Variants in AMN observed in about 807,000 individuals in gnomAD.
The protein encoded by AMN is amnion associated transmembrane protein.
Under a neutral mutation model 49.1 loss-of-function variants are expected in AMN, and 40 were observed. The observed-to-expected ratio is 0.81, with a 90% CI of 0.63 to 1.06. AMN has a LOEUF of 1.06. Among genes scored for constraint, AMN ranks in the 50% least tolerant of loss-of-function variants. The pLI is 0.00. For missense variants in AMN, 701 were observed against 662.8 expected (o/e 1.06, Z -0.63); for synonymous variants, 380 against 313.3 (o/e 1.21, Z -2.25).
chr14:102,923,553 G>A (rs1891112993), intron 1 of AMN, 158 bp from the exon 2 acceptor site: 3 of 726,948 alleles, frequency 4.1e-6, no homozygotes, highest in Non-Finnish European at 7.3e-6. Context: ...CAGTCTGGCC[G>A]GGAGGGACCA....
intron 3 of AMN, among the ~76,000 whole-genome samples, chr14:102,924,828 T>C (rs1891151079): frequency 6.6e-6 from 1 of 152,168 alleles, no homozygotes; most frequent in Non-Finnish European, 1.5e-5. Flanking sequence ...TTGTTTAAGG[T>C]GGAGTTCCGC....
At chr14:102,923,210 C>G in intron 1 of AMN, 1 of 251,204 alleles carries the variant, frequency 4.0e-6, no homozygotes, top group Non-Finnish European at 7.8e-6. Context: ...CCCCACCCAC[C>G]ACATTCAGGG....
In AMN at chr14:102,923,829, G is replaced by C. The variant is rs1192509736; in HGVS notation, c.162G>C (p.Lys54Asn). 2 of 1,612,422 alleles carry C rather than the reference G, an allele frequency of 1.2e-6. No individual in the cohort carries two copies. The highest frequency in any genetic ancestry group is 1.7e-6 in the Non-Finnish European group (2 of 1,179,778). Residue 54 changes from lysine (K) to asparagine (N), a missense_variant and splice_region_variant, in exon 2 of 12, where the codon AAG becomes AAC. By Grantham distance (94) the Lys-to-Asn change is moderately conservative. Coordinates refer to ENST00000299155, the MANE Select transcript of AMN (RefSeq NM_030943.4). ...GCGCCGTTGAGTTCCCGGCGGACAA[G>C]GTGCCTGGGAGCGCCGGCGGGGTCG... is the stretch of plus-strand genomic sequence containing the variant. The part of the protein sequence containing the change: ...AGGAVEFPAD[K>N]MVSVLVQEGH...
intron 3 of AMN, among the ~76,000 whole-genome samples, chr14:102,925,971 C>T (rs1297662403): frequency 5.3e-5 from 8 of 152,126 alleles, no homozygotes; most frequent in African/African-American, 1.4e-4. Flanking sequence ...TGGTTGGGAG[C>T]GTCCCTCCCT....
At chr14:102,929,005 C>A in intron 5 of AMN, 30 bp downstream of exon 5, 3 of 1,595,548 alleles carry the variant, frequency 1.9e-6, no homozygotes, top group Non-Finnish European at 2.5e-6. Context: ...AGGCTCGGGT[C>A]CCCTCTCCCC....
In AMN at chr14:102,929,252, C is replaced by G. The variant is rs764383277; in HGVS notation, c.645C>G (p.Asn215Lys). 6.7e-7 allele frequency: 1 copy of G among 1,486,028 alleles called. No individual in the cohort carries two copies. Among genetic ancestry groups the G allele is most frequent in the Non-Finnish European group, 8.9e-7 (1 of 1,129,186 alleles). The allele number at this position is 1,486,028 out of a possible 1,614,324, so 92.1% of individuals were successfully genotyped here. A position where few individuals can be genotyped will look rare whatever the true frequency, so the allele number is the denominator to read the frequency against. The stretch of plus-strand genomic sequence containing the variant: ...ACCCGTCGGGCTGCGTCTGCGGCAA[C>G]GCGGAGGTGAGCGAGGCCGCAGTGG... Reference protein sequence around the residue: ...CADPSGCVCGNAEAQPWICAA... With the variant: ...CADPSGCVCGKAEAQPWICAA... The change falls in exon 6 of 12, where the codon AAC becomes AAG. Residue 215 changes from asparagine to lysine, a missense_variant. By Grantham distance (94) the Asn-to-Lys change is moderately conservative (BLOSUM62 0). Coordinates refer to ENST00000299155, the MANE Select transcript of AMN (RefSeq NM_030943.4).
Position 102,926,215 on chromosome 14 carries a change from G to A in AMN, c.208-2211G>A, listed in dbSNP as rs186851560. 8.5e-5 allele frequency among the ~76,000 whole-genome samples: 13 copies of A among 152,296 alleles called. No homozygotes were observed. In the East Asian group the frequency reaches 1.5e-3, roughly 18 times the overall value. On this transcript the variant is annotated intron_variant, in intron 3 of 11. Transcript: ENST00000299155. ...TTTTTCTGTTTCGTTTGAGAATCGCGTCTGCTCCTCAGTCACAATGGTAAT... is the reference window on the plus strand; with the variant it reads ...TTTTTCTGTTTCGTTTGAGAATCGCATCTGCTCCTCAGTCACAATGGTAAT...
intron 3 of AMN, among the ~76,000 whole-genome samples, chr14:102,924,236 C>A (rs896442195): frequency 2.0e-5 from 3 of 152,178 alleles, no homozygotes; most frequent in Non-Finnish European, 4.4e-5. Flanking sequence ...TGATGCCCAG[C>A]AGTGGGTGGT....
chr14:102,930,712 C>G lies in AMN; in HGVS notation c.*32C>G. ...GCCTGACCGTCGACCTTGGGGCTCT[C>G]CACCCGCTCTGGCCCCAGTCGAACT... is the stretch of plus-strand genomic sequence containing the variant. On this transcript the variant is annotated 3_prime_UTR_variant, in exon 12 of 12. Coordinates refer to ENST00000299155, the MANE Select transcript of AMN (RefSeq NM_030943.4). 1.9e-6 allele frequency: 3 copies of G among 1,552,700 alleles called. No individual in the cohort carries two copies. Among genetic ancestry groups the G allele is most frequent in the East Asian group, 2.4e-5 (1 of 41,446 alleles).
intron 3 of AMN, among the ~76,000 whole-genome samples, chr14:102,925,857 C>T (rs1027754517): frequency 2.0e-5 from 3 of 152,222 alleles, no homozygotes; most frequent in Non-Finnish European, 2.9e-5. Flanking sequence ...CTGCCCGCGT[C>T]GGCTATGTTG....
rs555457770 is a variant in AMN, at chr14:102,930,772, C to T, written c.*92C>T. 11 of 1,368,546 alleles carry T rather than the reference C, an allele frequency of 8.0e-6. No individual in the cohort carries two copies. In the African/African-American group the frequency reaches 1.4e-4, roughly 18 times the overall value. 84.8% of individuals were successfully genotyped at this position (1,368,546 alleles called of 1,614,324 possible). A position where few individuals can be genotyped will look rare whatever the true frequency, so the allele number is the denominator to read the frequency against. The stretch of plus-strand genomic sequence containing the variant: ...CCACCTCCTCGTCCAGCCCCCAAAC[C>T]TCCCCTTCCTTTCCCCCTCCTCCGG... On this transcript the variant is annotated 3_prime_UTR_variant, in exon 12 of 12. Coordinates refer to ENST00000299155, the MANE Select transcript of AMN (RefSeq NM_030943.4).
At position 102,929,497 on chromosome 14, in the gene AMN, A is replaced by T. The variant is rs1228016808; in HGVS notation, c.721A>T (p.Ser241Cys). The change falls in exon 7 of 12, where the codon AGC becomes TGC. Residue 241 changes from serine (S) to cysteine (C), a missense_variant. Ser to Cys is a moderately radical substitution (Grantham distance 112, BLOSUM62 -1). Transcript: ENST00000299155. ...GGRCPQAACH[S>C]ALRPQGQCCD... ...CCGCTGCCCCCAGGCCGCCTGCCACAGCGCCCTCCGGCCCCAGGGGCAGTG... is the reference window on the plus strand; with the variant it reads ...CCGCTGCCCCCAGGCCGCCTGCCACTGCGCCCTCCGGCCCCAGGGGCAGTG... 2 of 1,532,968 alleles carry T rather than the reference A, an allele frequency of 1.3e-6. No homozygotes were observed. The highest frequency in any genetic ancestry group is 4.9e-5 in the East Asian group (2 of 40,820). The allele number at this position is 1,532,968 out of a possible 1,614,324, so 95.0% of individuals were successfully genotyped here.
Position 102,928,974 on chromosome 14 carries a change from G to C in AMN, c.512G>C (p.Arg171Pro). ...GTCCGCAGCATCTCGGCTCTGGGCC[G>C]GGTGAGCACTGAGGGGAGGGAGGCT... ...VRVRSISALG[R>P]TFTRDEDLAV... Residue 171 changes from arginine to proline, a missense_variant and splice_region_variant, in exon 5 of 12, where the codon CGG becomes CCG. Transcript: ENST00000299155. 1 of 1,598,276 alleles carries C rather than the reference G, an allele frequency of 6.3e-7. No homozygotes were observed. Among genetic ancestry groups the C allele is most frequent in the Non-Finnish European group, 8.5e-7 (1 of 1,179,338 alleles).
chr14:102,926,628 C>G (rs1368169177), intron 3 of AMN, among the ~76,000 whole-genome samples: 1 of 151,058 alleles, frequency 6.6e-6, no homozygotes, highest in Admixed American at 6.6e-5. Flanking sequence ...GCTCTGCCAC[C>G]CAGGCTGGAG....
chr14:102,927,888 AG>A (rs1891222341), intron 3 of AMN, among the ~76,000 whole-genome samples: 1 of 152,108 alleles, frequency 6.6e-6, no homozygotes, highest in Non-Finnish European at 1.5e-5. Flanking sequence ...AGGAAACAGC[AG>A]GGGCAACTCC....
chr14:102,928,661 G>A (rs1447651607), intron 4 of AMN, 97 bp from the exon 5 acceptor site: 5 of 1,511,600 alleles, frequency 3.3e-6, no homozygotes, highest in Non-Finnish European at 4.5e-6. Context: ...CCGAAGCGGG[G>A]CTTGGGAGGT....
rs774698023 is a variant in AMN at position 102,928,962 on chromosome 14, C to T, written c.500C>T (p.Ser167Leu). 8.3e-5 allele frequency: 133 copies of T among 1,598,966 alleles called. No individual in the cohort carries two copies. Among genetic ancestry groups the T allele is most frequent in the Non-Finnish European group, 1.1e-4 (129 of 1,179,528 alleles). ...AGCCCCGTGCGTGTCCGCAGCATCT[C>T]GGCTCTGGGCCGGGTGAGCACTGAG... ...GASPVRVRSISALGRTFTRDE... is the reference protein window; with the variant it reads ...GASPVRVRSILALGRTFTRDE... The change falls in exon 5 of 12, where the codon TCG (serine) becomes TTG (leucine). Residue 167 changes from serine (S) to leucine (L), a missense_variant. Physicochemically the swap from Ser to Leu is moderately radical, Grantham distance 145. Coordinates refer to ENST00000299155, the MANE Select transcript of AMN (RefSeq NM_030943.4).
chr14:102,922,904 G>T, intron 1 of AMN, 173 bp downstream of exon 1: 8 of 907,598 alleles, frequency 8.8e-6, no homozygotes, highest in Non-Finnish European at 1.3e-5. Flanking sequence ...CGAGTGCGCA[G>T]CCCGGAAGTG....
In AMN at chr14:102,929,154, C is replaced by T. The variant is rs950788270; in HGVS notation, c.547C>T (p.Leu183=). The change falls in exon 6 of 12, where the codon CTG becomes TTG. Residue 183 remains leucine, a synonymous_variant. Coordinates refer to ENST00000299155, the MANE Select transcript of AMN (RefSeq NM_030943.4). Reference sequence around the variant, plus strand: ...GCGCGACGAGGACCTGGCTGTTTTCCTGGCGTCCCGCGCGGGCCGCCTACG... The same window carrying T: ...GCGCGACGAGGACCTGGCTGTTTTCTTGGCGTCCCGCGCGGGCCGCCTACG... ...FTRDEDLAVF[L]ASRAGRLRFH... 13 of 1,596,718 alleles carry T rather than the reference C, an allele frequency of 8.1e-6. No individual in the cohort carries two copies. The highest frequency in any genetic ancestry group is 1.3e-5 in the African/African-American group (1 of 74,906).
Sources: allele counts gnomAD v4.1 joint callset (sites outside exome capture counted in the v4.1 genomes callset), GRCh38; gene constraint gnomAD v4.1.1; transcripts MANE v1.5; gene names NCBI Gene and HGNC (gene_info 2026-07-23, HGNC 2026-07-21).